The following BAZ1B variants were observed in gnomAD, a reference collection of about 807,000 sequenced individuals.
BAZ1B encodes tyrosine-protein kinase BAZ1B.
A neutral mutation model predicts 153.8 loss-of-function variants in BAZ1B; 22 were observed. That is an observed-to-expected ratio of 0.14 (90% confidence interval 0.10 to 0.20). The LOEUF is 0.20. Ranked by LOEUF, BAZ1B falls within the 10% of genes least tolerant of loss-of-function variation. The pLI is 1.00. For missense variants in BAZ1B, 1,325 were observed against 1,799.3 expected (o/e 0.74, Z 4.77); for synonymous variants, 676 against 633.4 (o/e 1.07, Z -1.01).
At position 73,476,992 on chromosome 7, in the gene BAZ1B, T is replaced by C; in HGVS notation, c.2469A>G (p.Glu823=). The stretch of plus-strand genomic sequence containing the variant: ...CTACTTGGGGCTCAAACTTCACAAT[T>C]TCTTTTTTCCTATCAGTTTTGCCTA... ...NGLGKTDRKK[E]IVKFEPQVDT... is the part of the protein sequence containing the mutation. Residue 823 remains glutamate, a synonymous_variant, in exon 7 of 20, where the codon GAA becomes GAG. Coordinates refer to ENST00000339594, the MANE Select transcript of BAZ1B (RefSeq NM_032408.4). The C allele has an allele frequency of 6.2e-7, 1 of 1,614,240 alleles. No individual in the cohort carries two copies. Among genetic ancestry groups the C allele is most frequent in the Non-Finnish European group, 8.5e-7 (1 of 1,180,046 alleles).
chr7:73,508,171 G>A (rs942395337), intron 3 of BAZ1B, among the ~76,000 whole-genome samples, 156 bp downstream of exon 3: 1 of 151,948 alleles, frequency 6.6e-6, no homozygotes, highest in African/African-American at 2.4e-5. Context: ...ACAAAACCAA[G>A]AAAACACACA....
At chr7:73,444,466 C>T (rs1787750107) in intron 16 of BAZ1B, among the ~76,000 whole-genome samples, 1 of 152,222 alleles carries the variant, frequency 6.6e-6, no homozygotes, top group Non-Finnish European at 1.5e-5. Flanking sequence ...CATGAGAAGC[C>T]ATTTGCTAAT....
At chr7:73,495,288 T>C (rs1229006567) in intron 4 of BAZ1B, among the ~76,000 whole-genome samples, 3 of 151,796 alleles carry the variant, frequency 2.0e-5, no homozygotes, top group African/African-American at 4.8e-5. Context: ...GTCTCAAAAA[T>C]AAATAAATAA....
chr7:73,450,747 T>G lies in BAZ1B; in HGVS notation c.3580+100A>C. On this transcript the variant is annotated intron_variant, in intron 14 of 19. Transcript: ENST00000339594. The surrounding 1 kb of genome is among the most constrained non-coding windows in gnomAD (Gnocchi z 4.1). Reference sequence around the variant, plus strand: ...GAGTAAAATCTATACCACACTTATATTCTGTGTACACAAAATTCTTTTGGG... The same window carrying G: ...GAGTAAAATCTATACCACACTTATAGTCTGTGTACACAAAATTCTTTTGGG... The G allele has an allele frequency of 7.2e-7, 1 of 1,394,042 alleles. No individual in the cohort carries two copies. Among genetic ancestry groups the G allele is most frequent in the Non-Finnish European group, 1.0e-6 (1 of 1,003,194 alleles). 86.4% of individuals were successfully genotyped at this position (1,394,042 alleles called of 1,614,324 possible). A position where few individuals can be genotyped will look rare whatever the true frequency, so the allele number is the denominator to read the frequency against.
intron 1 of BAZ1B, among the ~76,000 whole-genome samples, chr7:73,520,710 C>T (rs1332486658): frequency 6.6e-6 from 1 of 152,230 alleles, no homozygotes; most frequent in Non-Finnish European, 1.5e-5. Context: ...AGATTATCCT[C>T]TAAAGTACTG....
rs782763553 is a variant in BAZ1B, at chr7:73,521,884, G to C, written c.50C>G (p.Pro17Arg). 1.3e-6 allele frequency: 2 copies of C among 1,504,242 alleles called. No individual in the cohort carries two copies. Among genetic ancestry groups the C allele is most frequent in the Admixed American group, 2.1e-5 (1 of 47,654 alleles). The allele number at this position is 1,504,242 out of a possible 1,614,324, so 93.2% of individuals were successfully genotyped here. A position where few individuals can be genotyped will look rare whatever the true frequency, so the allele number is the denominator to read the frequency against. ...RKPFPLVKPL[P>R]GEEPLFTIPH... ...GATGGTGAAGAGCGGCTCCTCTCCG[G>C]GCAACGGCTTCACCAGCGGGAAGGG... The change falls in exon 1 of 20, where the codon CCC becomes CGC. Residue 17 changes from proline (P) to arginine (R), a missense_variant. Transcript: ENST00000339594.
Position 73,489,362 on chromosome 7 carries a change from C to T in BAZ1B, c.723G>A (p.Leu241=), listed in dbSNP as rs782623840. 1.2e-6 allele frequency: 2 copies of T among 1,614,148 alleles called. No individual in the cohort carries two copies. The highest frequency in any genetic ancestry group is 3.3e-5 in the Admixed American group (2 of 60,006). Residue 241 remains leucine, a synonymous_variant, in exon 6 of 20, where the codon TTG becomes TTA. Transcript: ENST00000339594. ...KIISNVPADS[L]IRTERPPNKE... ...TATTTGGTGGGCGCTCTGTACGAAT[C>T]AAGCTGTCTGCTGGCACGTTACTGA...
intron 8 of BAZ1B, 146 bp downstream of exon 8, chr7:73,470,199 T>G: frequency 1.0e-6 from 1 of 958,466 alleles, no homozygotes; most frequent in Non-Finnish European, 1.5e-6. Flanking sequence ...CAGTTAATAT[T>G]CAATAATCAT....
chr7:73,508,892 C>T (rs576706672), intron 2 of BAZ1B, among the ~76,000 whole-genome samples: 8 of 151,954 alleles, frequency 5.3e-5, no homozygotes, highest in African/African-American at 1.7e-4. Flanking sequence ...TGGTGCCTAT[C>T]GTCCCAGCTA....
At chr7:73,519,032 T>C (rs1362484095) in intron 1 of BAZ1B, among the ~76,000 whole-genome samples, 1 of 152,166 alleles carries the variant, frequency 6.6e-6, no homozygotes, top group East Asian at 1.9e-4. Context: ...TGGGAATACC[T>C]TAGGAAGTAA....
chr7:73,476,888 A>T lies in BAZ1B; in HGVS notation c.2573T>A (p.Ile858Asn). The change falls in exon 7 of 20, where the codon ATC becomes AAC. Residue 858 changes from isoleucine (I) to asparagine (N), a missense_variant. Coordinates refer to ENST00000339594, the MANE Select transcript of BAZ1B (RefSeq NM_032408.4). ...TTTACCTTTCATTTCTCTTTCCTGGATTTCCCGTTCCTTCTTAGCTTGAAT... is the reference window on the plus strand; with the variant it reads ...TTTACCTTTCATTTCTCTTTCCTGGTTTTCCCGTTCCTTCTTAGCTTGAAT... The part of the protein sequence containing the change: ...LAIQAKKERE[I>N]QEREMKVKLE... 2.5e-6 allele frequency: 4 copies of T among 1,596,082 alleles called. No homozygotes were observed. The highest frequency in any genetic ancestry group is 3.4e-6 in the Non-Finnish European group (4 of 1,173,806).
At chr7:73,458,128 T>C (rs1290599213) in intron 13 of BAZ1B, among the ~76,000 whole-genome samples, 5 of 152,228 alleles carry the variant, frequency 3.3e-5, no homozygotes, top group Non-Finnish European at 5.9e-5. Flanking sequence ...GACTGGCATC[T>C]GAAGTGAGAA....
chr7:73,513,159 C>G (rs1400941736), intron 1 of BAZ1B, among the ~76,000 whole-genome samples: 1 of 152,098 alleles, frequency 6.6e-6, no homozygotes, highest in Non-Finnish European at 1.5e-5. Flanking sequence ...CACCACATTG[C>G]CCAGGTTGGT....
At position 73,491,493 on chromosome 7, in the gene BAZ1B, G is replaced by A. The variant is rs1451269625; in HGVS notation, c.693+1307C>T. On this transcript the variant is annotated intron_variant, in intron 5 of 19. Transcript: ENST00000339594. ...GCATGCCTGTAATCCTAGCTACTTG[G>A]GAGGCTGAGGCTGGAGAATCACTTG... Among the ~76,000 whole-genome samples, 5 of 151,864 alleles carry A rather than the reference G, an allele frequency of 3.3e-5. No homozygotes were observed. In the East Asian group the frequency reaches 7.7e-4, roughly 23 times the overall value.
At chr7:73,506,224 C>T (rs782783127) in intron 3 of BAZ1B, among the ~76,000 whole-genome samples, 1 of 152,126 alleles carries the variant, frequency 6.6e-6, no homozygotes, top group Non-Finnish European at 1.5e-5. Context: ...TAAGGCCGGG[C>T]GCACTGGCTC....
At chr7:73,469,315 T>C (rs1198476497) in intron 9 of BAZ1B, among the ~76,000 whole-genome samples, 2 of 152,184 alleles carry the variant, frequency 1.3e-5, no homozygotes, top group Non-Finnish European at 2.9e-5. Flanking sequence ...TCTCACACTA[T>C]GCTTAGAACA....
rs71071937 is a variant in BAZ1B at position 73,456,937 on chromosome 7, C to CAAA, written c.3432+2596_3432+2598dup. Among the ~76,000 whole-genome samples the CAAA allele has an allele frequency of 3.3e-4, 13 of 39,582 alleles. 5 individuals carry two copies. The highest frequency in any genetic ancestry group is 5.9e-4 in the Non-Finnish European group (13 of 22,110). 26.0% of individuals were successfully genotyped at this position (39,582 alleles called of 152,430 possible). A position where few individuals can be genotyped will look rare whatever the true frequency, so the allele number is the denominator to read the frequency against. Reference sequence around the variant, plus strand: ...GGCCTCGGCGACAGAGACTCTGTCTCAAAAAAAAAAAAAAAAAAAAAAAAA... The same window carrying CAAA: ...GGCCTCGGCGACAGAGACTCTGTCTCAAAAAAAAAAAAAAAAAAAAAAAAAAAA... On this transcript the variant is annotated intron_variant, in intron 13 of 19. Transcript: ENST00000339594.
chr7:73,500,827 G>A (rs997712935), intron 3 of BAZ1B, among the ~76,000 whole-genome samples: 4 of 151,164 alleles, frequency 2.6e-5, no homozygotes, highest in Admixed American at 6.6e-5. Flanking sequence ...GGAGGTGGAA[G>A]TTGCAGTGAG....
chr7:73,479,755 C>T (rs1485518595), intron 6 of BAZ1B, among the ~76,000 whole-genome samples: 17 of 152,046 alleles, frequency 1.1e-4, no homozygotes, highest in African/African-American at 2.4e-5. Context: ...CTATAGTTCC[C>T]TTGTCTCTCT....
Sources: gnomAD v4.1 joint callset for allele counts (sites outside exome capture counted in the v4.1 genomes callset) on GRCh38, gnomAD v4.1.1 for gene constraint, Gnocchi (gnomAD v3.1) non-coding constraint, MANE v1.5 for transcripts, NCBI Gene and HGNC (gene_info 2026-07-23, HGNC 2026-07-21) for gene names.